COG5: variants seen among roughly 807,000 people sequenced by gnomAD.
COG5 encodes the protein conserved oligomeric Golgi complex subunit 5.
Under a neutral mutation model 110.4 loss-of-function variants are expected in COG5, and 86 were observed. The observed-to-expected ratio is 0.78, with a 90% CI of 0.65 to 0.93. The LOEUF is 0.93. Ranked by LOEUF, COG5 falls within the 40% of genes least tolerant of loss-of-function variation. The pLI is 0.00. For synonymous variants in COG5, 360 were observed against 334.6 expected, an observed-to-expected ratio of 1.08 and a Z score of -0.83; for missense variants, 1,077 against 987.0, an observed-to-expected ratio of 1.09 and a Z score of -1.22.
At chr7:107,408,248 T>C (rs1216720035) in intron 7 of COG5, among the ~76,000 whole-genome samples, 1 of 152,236 alleles carries the variant, frequency 6.6e-6, no homozygotes, top group African/African-American at 2.4e-5. Context: ...CAGAGTTCAG[T>C]AGTTATAACT....
Position 107,563,883 on chromosome 7 carries a change from C to T in COG5, c.14G>A (p.Gly5Asp), listed in dbSNP as rs1804236235. Residue 5 changes from glycine to aspartate, a missense_variant, in exon 1 of 22, where the codon GGC becomes GAC. Transcript: ENST00000297135. Reference sequence around the variant, plus strand: ...GAGGCCAGCTACAGCGACGCTGCCGCCGCCACCTTCCATGTTGGCAGGTGC... The same window carrying T: ...GAGGCCAGCTACAGCGACGCTGCCGTCGCCACCTTCCATGTTGGCAGGTGC... MEGG[G>D]GSVAVAGLGA... The T allele has an allele frequency of 1.9e-6, 3 of 1,613,766 alleles. No homozygotes were observed. The highest frequency in any genetic ancestry group is 1.1e-5 in the South Asian group (1 of 91,086).
intron 6 of COG5, among the ~76,000 whole-genome samples, chr7:107,488,019 T>A (rs1352897932): frequency 6.6e-6 from 1 of 152,092 alleles, no homozygotes; most frequent in African/African-American, 2.4e-5. Flanking sequence ...GTTTTCACAA[T>A]GAACATATAT....
At chr7:107,350,123 T>G (rs1812006272) in intron 10 of COG5, among the ~76,000 whole-genome samples, 1 of 152,248 alleles carries the variant, frequency 6.6e-6, no homozygotes, top group South Asian at 2.1e-4. Flanking sequence ...TTCCTGCATG[T>G]ATTGAGAGGA....
At chr7:107,406,228 G>A (rs539215992) in intron 7 of COG5, among the ~76,000 whole-genome samples, 2 of 152,242 alleles carry the variant, frequency 1.3e-5, no homozygotes, top group Non-Finnish European at 2.9e-5. Flanking sequence ...GAACCATGCT[G>A]AGACATACAA....
chr7:107,371,454 A>T (rs572301269), intron 8 of COG5, among the ~76,000 whole-genome samples: 1 of 152,184 alleles, frequency 6.6e-6, no homozygotes, highest in East Asian at 1.9e-4. Context: ...TAACAATCTA[A>T]AAAAAATTAA....
chr7:107,228,923 C>T (rs1452125767), intron 19 of COG5, among the ~76,000 whole-genome samples: 4 of 152,122 alleles, frequency 2.6e-5, no homozygotes, highest in African/African-American at 9.7e-5. Context: ...GAGAGCAAAG[C>T]GATCATTTAA....
intron 10 of COG5, among the ~76,000 whole-genome samples, chr7:107,336,253 T>C (rs1202918526): frequency 1.3e-5 from 2 of 152,188 alleles, no homozygotes; most frequent in East Asian, 3.9e-4. Flanking sequence ...TGCAGCAACA[T>C]GGCTGAAACT....
intron 10 of COG5, among the ~76,000 whole-genome samples, chr7:107,334,298 AC>A (rs1810519109): frequency 6.6e-6 from 1 of 152,198 alleles, no homozygotes; most frequent in African/African-American, 2.4e-5. Context: ...TAAGCCAGGA[AC>A]AAAAAGATAA....
chr7:107,546,597 C>T (rs550514143), intron 5 of COG5, among the ~76,000 whole-genome samples: 2 of 151,066 alleles, frequency 1.3e-5, no homozygotes, highest in African/African-American at 2.4e-5. Flanking sequence ...CCATGCCTTG[C>T]TATAAGAGTT....
At chr7:107,379,924 A>C (rs559572353) in intron 7 of COG5, among the ~76,000 whole-genome samples, 12 of 152,268 alleles carry the variant, frequency 7.9e-5, no homozygotes, top group African/African-American at 2.9e-4. Context: ...GACCAAGCGG[A>C]CCTAATAGTC....
chr7:107,262,040 G>A (rs571818790), intron 14 of COG5, among the ~76,000 whole-genome samples: 131 of 151,822 alleles, frequency 8.6e-4, no homozygotes, highest in Admixed American at 6.6e-3. Flanking sequence ...ACAGTCATGC[G>A]TCACCATGCG....
intron 6 of COG5, among the ~76,000 whole-genome samples, chr7:107,469,025 A>T (rs1180491970): frequency 7.0e-6 from 1 of 143,368 alleles, no homozygotes; most frequent in African/African-American, 2.5e-5. Context: ...ATTTAAATTT[A>T]ATTTAATTTA....
At chr7:107,326,592 G>C (rs1164320515) in intron 10 of COG5, among the ~76,000 whole-genome samples, 1 of 152,008 alleles carries the variant, frequency 6.6e-6, no homozygotes, top group East Asian at 1.9e-4. Flanking sequence ...ACTTATTCAA[G>C]AAGGTAAAAA....
At chr7:107,209,799 T>C in intron 21 of COG5, 4 of 983,658 alleles carry the variant, frequency 4.1e-6, no homozygotes, top group Non-Finnish European at 4.8e-6. Flanking sequence ...AAAAATGTGC[T>C]GAGTCCCAGT....
intron 12 of COG5, among the ~76,000 whole-genome samples, chr7:107,294,837 T>C (rs1735601731): frequency 1.4e-5 from 2 of 139,986 alleles, no homozygotes; most frequent in Admixed American, 7.2e-5. Context: ...TGCCTCAGCC[T>C]TCTGAGTAGC....
At chr7:107,507,020 T>C (rs1363572922) in intron 6 of COG5, among the ~76,000 whole-genome samples, 2 of 152,190 alleles carry the variant, frequency 1.3e-5, no homozygotes, top group Non-Finnish European at 2.9e-5. Context: ...CCCACTGCCG[T>C]TCCTACTTTT....
At chr7:107,278,379 C>G (rs1341663315) in intron 14 of COG5, among the ~76,000 whole-genome samples, 3 of 152,088 alleles carry the variant, frequency 2.0e-5, no homozygotes, top group Non-Finnish European at 2.9e-5. Flanking sequence ...CCATCAACCT[C>G]TCATCTACAT....
At chr7:107,412,208 G>A (rs995265150) in intron 7 of COG5, among the ~76,000 whole-genome samples, 4 of 152,020 alleles carry the variant, frequency 2.6e-5, no homozygotes, top group African/African-American at 9.7e-5. Flanking sequence ...TCGTGCTTTA[G>A]ACAAAGCAGG....
At chr7:107,506,203 T>A (rs1467904892) in intron 6 of COG5, among the ~76,000 whole-genome samples, 1 of 152,178 alleles carries the variant, frequency 6.6e-6, no homozygotes, top group African/African-American at 2.4e-5. Context: ...TGTAATGGAC[T>A]GTGTTAGTTG....
Sources: gnomAD v4.1 joint callset for allele counts (sites outside exome capture counted in the v4.1 genomes callset) on GRCh38, gnomAD v4.1.1 for gene constraint, MANE v1.5 for transcripts, NCBI Gene and HGNC (gene_info 2026-07-23, HGNC 2026-07-21) for gene names.